Variants in LMNTD1 observed in about 807,000 individuals in gnomAD.
LMNTD1 encodes lamin tail domain containing 1, also known as lamin tail domain-containing protein 1.
In LMNTD1, 35 loss-of-function variants were observed where a neutral mutation model predicts 50.9. The ratio of observed to expected loss-of-function variants is 0.69; its 90% CI spans 0.53 to 0.91. LMNTD1 has a LOEUF of 0.91. Among genes scored for constraint, LMNTD1 ranks in the 40% least tolerant of loss-of-function variants. The probability of loss-of-function intolerance (pLI) is 0.00; values close to 1 mark genes in which losing one functional copy is unlikely to be tolerated. For missense variants in LMNTD1, 470 were observed against 475.5 expected (o/e 0.99, Z 0.11); for synonymous variants, 153 against 161.9 (o/e 0.94, Z 0.42).
At chr12:25,596,830 C>A (rs1217131560) in intron 1 of LMNTD1, among the ~76,000 whole-genome samples, 1 of 151,958 alleles carries the variant, frequency 6.6e-6, no homozygotes, top group Non-Finnish European at 1.5e-5. Context: ...AAGGACGAAC[C>A]AATTCAAAAT....
chr12:25,497,966 A>G (rs1238624884), intron 9 of LMNTD1, among the ~76,000 whole-genome samples: 1 of 152,162 alleles, frequency 6.6e-6, no homozygotes. Flanking sequence ...AAAAGAAGAT[A>G]TTGGGGAAAA....
At chr12:25,518,738 C>A in intron 8 of LMNTD1, 57 bp downstream of exon 8, 2 of 1,472,484 alleles carry the variant, frequency 1.4e-6, no homozygotes, top group Non-Finnish European at 1.9e-6. Flanking sequence ...CACTAGTTAA[C>A]ACATGTGCAT....
chr12:25,580,147 T>G (rs145467765), intron 1 of LMNTD1, among the ~76,000 whole-genome samples: 1 of 152,344 alleles, frequency 6.6e-6, no homozygotes, highest in South Asian at 2.1e-4. Flanking sequence ...TAGAATGCCA[T>G]GTCCTCTTTT....
intron 1 of LMNTD1, among the ~76,000 whole-genome samples, chr12:25,609,729 G>A (rs1946200633): frequency 6.6e-6 from 1 of 152,138 alleles, no homozygotes; most frequent in South Asian, 2.1e-4. Flanking sequence ...TCTCAGAGGG[G>A]CACCTGGCTA....
intron 5 of LMNTD1, 132 bp from the exon 6 acceptor site, chr12:25,526,350 T>A (rs551657748): frequency 3.6e-6 from 3 of 836,660 alleles, no homozygotes; most frequent in African/African-American, 3.5e-5. Context: ...ATATACAATG[T>A]CAAGCTATGC....
intron 6 of LMNTD1, among the ~76,000 whole-genome samples, chr12:25,521,255 T>C (rs995280520): frequency 1.8e-4 from 27 of 152,176 alleles, no homozygotes; most frequent in African/African-American, 6.5e-4. Context: ...TTTGTTTTTG[T>C]AGCCTGAGCT....
chr12:25,609,455 G>GT (rs1167941702), intron 1 of LMNTD1, among the ~76,000 whole-genome samples: 1 of 152,152 alleles, frequency 6.6e-6, no homozygotes, highest in Non-Finnish European at 1.5e-5. Flanking sequence ...CTTCTTTGTG[G>GT]TTTTATCTAC....
chr12:25,583,164 G>A (rs1005075495), intron 1 of LMNTD1, among the ~76,000 whole-genome samples: 1 of 150,356 alleles, frequency 6.7e-6, no homozygotes, highest in Non-Finnish European at 1.5e-5. Context: ...TGGGACTACA[G>A]GTGCCCGCCA....
At chr12:25,572,383 A>G (rs907714416) in intron 1 of LMNTD1, among the ~76,000 whole-genome samples, 2 of 152,224 alleles carry the variant, frequency 1.3e-5, no homozygotes, top group African/African-American at 4.8e-5. Context: ...GACTGTTTAA[A>G]TGATTTGATG....
chr12:25,564,523 C>G (rs1944473100), intron 1 of LMNTD1, among the ~76,000 whole-genome samples: 1 of 152,186 alleles, frequency 6.6e-6, no homozygotes, highest in Non-Finnish European at 1.5e-5. Flanking sequence ...TCCCAAAGTG[C>G]TGGGATTACA....
chr12:25,493,569 C>T (rs1938960637), intron 9 of LMNTD1, among the ~76,000 whole-genome samples: 1 of 152,314 alleles, frequency 6.6e-6, no homozygotes, highest in South Asian at 2.1e-4. Flanking sequence ...TTTGAAACAT[C>T]AGGATTCAAT....
At chr12:25,570,984 C>T (rs1944764205) in intron 1 of LMNTD1, among the ~76,000 whole-genome samples, 2 of 152,190 alleles carry the variant, frequency 1.3e-5, no homozygotes, top group East Asian at 3.9e-4. Context: ...TTTAAAAGTA[C>T]ACCCAGGGCC....
chr12:25,560,294 T>C (rs1461436014), intron 1 of LMNTD1, among the ~76,000 whole-genome samples: 3 of 152,224 alleles, frequency 2.0e-5, no homozygotes, highest in Admixed American at 1.3e-4. Flanking sequence ...GTTTATTAAA[T>C]AGGGAATCCT....
At chr12:25,567,301 G>A (rs180870811) in intron 1 of LMNTD1, among the ~76,000 whole-genome samples, 1 of 152,130 alleles carries the variant, frequency 6.6e-6, no homozygotes, top group East Asian at 1.9e-4. Flanking sequence ...AGTGTTTATT[G>A]TTGTACTGTT....
intron 1 of LMNTD1, among the ~76,000 whole-genome samples, chr12:25,644,805 TG>T (rs1267940585): frequency 6.6e-6 from 1 of 152,134 alleles, no homozygotes; most frequent in Non-Finnish European, 1.5e-5. Context: ...GATTCACCTC[TG>T]ATAGGAGCAG....
At position 25,526,925 on chromosome 12, in the gene LMNTD1, C is replaced by G. The variant is rs1438719759; in HGVS notation, c.522G>C (p.Val174=). The G allele has an allele frequency of 6.2e-7, 1 of 1,609,572 alleles. No homozygotes were observed. The highest frequency in any genetic ancestry group is 1.1e-5 in the South Asian group (1 of 90,156). ...SSLGDVEIAE[V]NVKGLFVKLI... Reference sequence around the variant, plus strand: ...GCTTCACGAACAAACCCTTGACATTCACTTCAGCTATTTCAACATCTCCAA... The same window carrying G: ...GCTTCACGAACAAACCCTTGACATTGACTTCAGCTATTTCAACATCTCCAA... Residue 174 remains valine, a synonymous_variant, in exon 5 of 10, where the codon GTG becomes GTC. Coordinates refer to ENST00000458174, the MANE Select transcript of LMNTD1 (RefSeq NM_001145728.2).
intron 1 of LMNTD1, among the ~76,000 whole-genome samples, chr12:25,578,962 C>G (rs1394468923): frequency 6.6e-6 from 1 of 152,208 alleles, no homozygotes; most frequent in Non-Finnish European, 1.5e-5. Flanking sequence ...TTAGGCAGAT[C>G]TGTTCAGCAT....
chr12:25,517,034 C>T (rs1311086839), intron 8 of LMNTD1, among the ~76,000 whole-genome samples: 1 of 126,848 alleles, frequency 7.9e-6, no homozygotes, highest in Non-Finnish European at 1.7e-5. Flanking sequence ...GTTAGAATGG[C>T]AATCATTAAA....
chr12:25,537,148 G>A (rs1942659443), intron 4 of LMNTD1, among the ~76,000 whole-genome samples: 2 of 152,354 alleles, frequency 1.3e-5, no homozygotes, highest in South Asian at 4.1e-4. Flanking sequence ...CGAGGCTGGG[G>A]GAGGGGCGCC....
Sources: gnomAD v4.1 joint callset for allele counts (sites outside exome capture counted in the v4.1 genomes callset) on GRCh38, gnomAD v4.1.1 for gene constraint, MANE v1.5 for transcripts, NCBI Gene and HGNC (gene_info 2026-07-23, HGNC 2026-07-21) for gene names.